MED13L: variants seen among roughly 807,000 people sequenced by gnomAD.
MED13L encodes mediator of RNA polymerase II transcription subunit 13-like.
MED13L carries 7 observed loss-of-function variants against 220.9 expected under a neutral mutation model. That is an observed-to-expected ratio of 0.03 (90% CI 0.02 to 0.06). The LOEUF (loss-of-function observed/expected upper bound fraction) is 0.06. Ranked by LOEUF, MED13L falls within the 10% of genes least tolerant of loss-of-function variation. The pLI is 1.00. For missense variants in MED13L, 1,965 were observed against 2,760.5 expected, an observed-to-expected ratio of 0.71 and a Z score of 6.46; for synonymous variants, 1,011 against 1,015.2, an observed-to-expected ratio of 1.00 and a Z score of 0.08.
chr12:116,220,642 T>C (rs186489423), intron 2 of MED13L, among the ~76,000 whole-genome samples: 1 of 152,324 alleles, frequency 6.6e-6, no homozygotes, highest in East Asian at 1.9e-4. Context: ...GAGGTTGCAG[T>C]GAGCCGAGAT....
intron 2 of MED13L, among the ~76,000 whole-genome samples, chr12:116,131,871 A>C (rs1876095097): frequency 6.6e-6 from 1 of 152,106 alleles, no homozygotes; most frequent in Admixed American, 6.6e-5. Flanking sequence ...GTCTCAGCTT[A>C]CTCAGAAGGC....
intron 24 of MED13L, 79 bp from the exon 25 acceptor site, chr12:115,975,392 A>G (rs1481792634): frequency 8.1e-6 from 13 of 1,607,262 alleles, no homozygotes; most frequent in Middle Eastern, 1.7e-4. Flanking sequence ...GACAAACACT[A>G]GAAATTCCAA....
chr12:116,015,294 G>A lies in MED13L; in HGVS notation c.1010-20C>T. 6.2e-7 allele frequency: 1 copy of A among 1,613,290 alleles called. No homozygotes were observed. The highest frequency in any genetic ancestry group is 8.5e-7 in the Non-Finnish European group (1 of 1,179,392). The stretch of plus-strand genomic sequence containing the variant: ...TCTCACCTGAAAAAAAAGGCAATTT[G>A]GAATGTTAGGATTTTCTGAAAAGGT... On this transcript the variant is annotated intron_variant, in intron 7 of 30. Transcript: ENST00000281928.
chr12:116,276,450 T>C (rs960993005), intron 1 of MED13L: 16 of 1,288,592 alleles, frequency 1.2e-5, no homozygotes, highest in Admixed American at 6.9e-5. Context: ...CTCGGTGCAA[T>C]GGCTTTACGG....
At chr12:116,067,951 T>C (rs181471837) in intron 4 of MED13L, among the ~76,000 whole-genome samples, 1 of 152,318 alleles carries the variant, frequency 6.6e-6, no homozygotes, top group East Asian at 1.9e-4. Flanking sequence ...ATCCAAAGTG[T>C]TGGACAGAAA....
intron 2 of MED13L, among the ~76,000 whole-genome samples, chr12:116,135,745 A>C (rs764482238): frequency 3.2e-4 from 48 of 152,328 alleles, no homozygotes; most frequent in Non-Finnish European, 5.9e-4. Flanking sequence ...GAGCAAGTAC[A>C]TGTCCCTAAA....
Position 116,007,643 on chromosome 12 carries a change from G to GAT in MED13L, c.2013-8_2013-7insAT. 1 of 290,180 alleles carries GAT rather than the reference G, an allele frequency of 3.4e-6. No individual in the cohort carries two copies. The highest frequency in any genetic ancestry group is 4.9e-6 in the Non-Finnish European group (1 of 205,634). The allele number at this position is 290,180 out of a possible 1,614,324, so 18.0% of individuals were successfully genotyped here. A position where few individuals can be genotyped will look rare whatever the true frequency, so the allele number is the denominator to read the frequency against. ...GTTAGGTTGTGCTAAGAGTCTAAAAGACAAAAAAAAAAAAAAAAAAAAGAG... is the reference window on the plus strand; with the variant it reads ...GTTAGGTTGTGCTAAGAGTCTAAAAGATACAAAAAAAAAAAAAAAAAAAAGAG... On this transcript the variant is annotated splice_polypyrimidine_tract_variant and splice_region_variant and intron_variant, in intron 10 of 30. Coordinates refer to ENST00000281928, the MANE Select transcript of MED13L (RefSeq NM_015335.5).
At chr12:116,019,445 A>G (rs748992787) in intron 6 of MED13L, 33 bp from the exon 7 acceptor site, 1 of 1,606,726 alleles carries the variant, frequency 6.2e-7, no homozygotes, top group Admixed American at 1.7e-5. Flanking sequence ...AAGAATCAGG[A>G]CTGAGAAAGA....
At chr12:115,987,881 C>T (rs757915858) in intron 17 of MED13L, among the ~76,000 whole-genome samples, 33 of 152,212 alleles carry the variant, frequency 2.2e-4, no homozygotes, top group Non-Finnish European at 4.4e-4. Flanking sequence ...CTTCTAAATG[C>T]AGATGACTTT....
chr12:116,172,939 A>C (rs1027340271), intron 2 of MED13L, among the ~76,000 whole-genome samples: 2 of 151,840 alleles, frequency 1.3e-5, no homozygotes, highest in Non-Finnish European at 2.9e-5. Context: ...AAAAAAAAAA[A>C]AAAAAACAAG....
At chr12:115,987,434 G>A (rs753641572) in intron 17 of MED13L, 146 bp from the exon 18 acceptor site, 5 of 698,608 alleles carry the variant, frequency 7.2e-6, no homozygotes, top group East Asian at 2.8e-5. Flanking sequence ...GGAGTCAGGA[G>A]GAAAGATATT....
chr12:115,967,187 A>C (rs1203647872), intron 28 of MED13L, among the ~76,000 whole-genome samples: 1 of 151,534 alleles, frequency 6.6e-6, no homozygotes, highest in Non-Finnish European at 1.5e-5. Context: ...AAAAAAAAAA[A>C]AAAAAAAAAC....
chr12:116,058,571 C>G (rs1041545413), intron 4 of MED13L, among the ~76,000 whole-genome samples: 1 of 152,090 alleles, frequency 6.6e-6, no homozygotes, highest in African/African-American at 2.4e-5. Flanking sequence ...AAATCTATGA[C>G]CTTAACCATT....
chr12:116,155,689 A>G (rs1043154307), intron 2 of MED13L, among the ~76,000 whole-genome samples: 1 of 152,156 alleles, frequency 6.6e-6, no homozygotes, highest in African/African-American at 2.4e-5. Context: ...TTCAACAAAG[A>G]ATGTATGGTT....
At chr12:116,123,131 A>C (rs1441110637) in intron 2 of MED13L, among the ~76,000 whole-genome samples, 1 of 152,234 alleles carries the variant, frequency 6.6e-6, no homozygotes, top group African/African-American at 2.4e-5. Flanking sequence ...ACAAGGGTCC[A>C]GAAGGATTAA....
chr12:116,277,315 A>T lies in MED13L; in HGVS notation c.-184T>A, dbSNP rs1311020013. ...GCCGCGGCGACGCCGCGCCGGGGGC[A>T]GCGGGCCCGGGCTGGCGGGGGGGGC... On this transcript the variant is annotated 5_prime_UTR_variant, in exon 1 of 31. Coordinates refer to ENST00000281928, the MANE Select transcript of MED13L (RefSeq NM_015335.5). The T allele has an allele frequency of 7.8e-4, 1 of 1,286 alleles. No individual in the cohort carries two copies. The highest frequency in any genetic ancestry group is 0.014 in the East Asian group (1 of 70). The allele number at this position is 1,286 out of a possible 1,614,324, so 0.1% of individuals were successfully genotyped here. A position where few individuals can be genotyped will look rare whatever the true frequency, so the allele number is the denominator to read the frequency against.
chr12:116,152,821 A>C (rs1371732046), intron 2 of MED13L, among the ~76,000 whole-genome samples: 2 of 152,232 alleles, frequency 1.3e-5, no homozygotes, highest in Admixed American at 6.5e-5. Flanking sequence ...AAAAGTAGAC[A>C]AAGTAAATAT....
chr12:115,976,932 G>T (rs1271115055), intron 23 of MED13L, among the ~76,000 whole-genome samples: 2 of 152,030 alleles, frequency 1.3e-5, no homozygotes, highest in Admixed American at 1.3e-4. Flanking sequence ...AGGCTGAAGT[G>T]GGAGGATCAC....
Position 116,182,639 on chromosome 12 carries a change from C to G in MED13L, c.310+54829G>C, listed in dbSNP as rs974593242. Among the ~76,000 whole-genome samples, 3 of 152,332 alleles carry G rather than the reference C, an allele frequency of 2.0e-5. No individual in the cohort carries two copies. In the South Asian group the frequency reaches 6.2e-4, roughly 32 times the overall value. ...CTACTCTCTCACTCTCTCTTTCTCT[C>G]TGACATGTCAATTTCTCACTCTCCA... On this transcript the variant is annotated intron_variant, in intron 2 of 30. Coordinates refer to ENST00000281928, the MANE Select transcript of MED13L (RefSeq NM_015335.5).
Sources: gnomAD v4.1 joint callset for allele counts (sites outside exome capture counted in the v4.1 genomes callset) on GRCh38, gnomAD v4.1.1 for gene constraint, MANE v1.5 for transcripts, NCBI Gene and HGNC (gene_info 2026-07-23, HGNC 2026-07-21) for gene names.